Variants in PPP1R12B observed in about 807,000 individuals in gnomAD.
The protein encoded by PPP1R12B is protein phosphatase 1 regulatory subunit 12B.
Under a neutral mutation model 126.1 loss-of-function variants are expected in PPP1R12B, and 76 were observed. The ratio of observed to expected loss-of-function variants is 0.60; its 90% CI spans 0.50 to 0.73. The LOEUF is 0.73. Among genes scored for constraint, PPP1R12B ranks in the 30% least tolerant of loss-of-function variants. The pLI, the probability that PPP1R12B is intolerant of heterozygous loss-of-function variation, is 0.00. For synonymous variants in PPP1R12B, 356 were observed against 434.7 expected, an observed-to-expected ratio of 0.82 and a Z score of 2.25; for missense variants, 1,052 against 1,205.1, an observed-to-expected ratio of 0.87 and a Z score of 1.88.
At chr1:202,377,931 C>T (rs1661512644) in intron 1 of PPP1R12B, among the ~76,000 whole-genome samples, 2 of 150,440 alleles carry the variant, frequency 1.3e-5, no homozygotes, top group East Asian at 2.0e-4. Flanking sequence ...GCTCCGCCCC[C>T]GGGTTCACGC....
chr1:202,366,590 T>A (rs1205163848), intron 1 of PPP1R12B, among the ~76,000 whole-genome samples: 1 of 149,520 alleles, frequency 6.7e-6, no homozygotes, highest in East Asian at 2.0e-4. Flanking sequence ...ACATTAAAAA[T>A]CAGACATTGA....
At chr1:202,469,545 A>G (rs959600200) in intron 13 of PPP1R12B, among the ~76,000 whole-genome samples, 1 of 152,136 alleles carries the variant, frequency 6.6e-6, no homozygotes, top group Non-Finnish European at 1.5e-5. Flanking sequence ...TGAGTTTTGG[A>G]GGGTGACAGA....
intron 13 of PPP1R12B, among the ~76,000 whole-genome samples, chr1:202,463,446 A>G (rs1053611645): frequency 1.3e-5 from 2 of 152,312 alleles, no homozygotes; most frequent in African/African-American, 4.8e-5. Context: ...ATTATTCTTT[A>G]TATCTTTTTT....
chr1:202,489,133 T>G (rs753127707), intron 14 of PPP1R12B, among the ~76,000 whole-genome samples: 2 of 152,214 alleles, frequency 1.3e-5, no homozygotes, highest in Non-Finnish European at 2.9e-5. Context: ...TTATACTACA[T>G]AGAACCAAAT....
intron 1 of PPP1R12B, among the ~76,000 whole-genome samples, chr1:202,364,977 G>T (rs542822747): frequency 1.3e-5 from 2 of 152,300 alleles, no homozygotes; most frequent in African/African-American, 4.8e-5. Flanking sequence ...CTCCCAAAGT[G>T]CTGGGATTGC....
chr1:202,389,710 C>T (rs916646056), intron 1 of PPP1R12B, among the ~76,000 whole-genome samples: 5 of 151,956 alleles, frequency 3.3e-5, no homozygotes, highest in African/African-American at 9.7e-5. Flanking sequence ...CGGGAAATCA[C>T]GAGGTCAGGA....
At chr1:202,408,438 C>T (rs1230893768) in intron 1 of PPP1R12B, among the ~76,000 whole-genome samples, 1 of 152,114 alleles carries the variant, frequency 6.6e-6, no homozygotes, top group Non-Finnish European at 1.5e-5. Context: ...TTTCATCTGT[C>T]AAAGAAGGGA....
intron 10 of PPP1R12B, chr1:202,438,455 C>T (rs939162963): frequency 5.1e-5 from 22 of 428,986 alleles, no homozygotes; most frequent in South Asian, 1.6e-4. Context: ...AGGGTCCCAC[C>T]GCTTGAGGAC....
intron 1 of PPP1R12B, among the ~76,000 whole-genome samples, chr1:202,396,834 T>C (rs1180158051): frequency 6.6e-6 from 1 of 152,108 alleles, no homozygotes; most frequent in Non-Finnish European, 1.5e-5. Flanking sequence ...GCTCAATTTT[T>C]ATCTCTAAAC....
intron 21 of PPP1R12B, among the ~76,000 whole-genome samples, chr1:202,567,127 A>C (rs1688123520): frequency 6.6e-6 from 1 of 152,232 alleles, no homozygotes; most frequent in Middle Eastern, 3.2e-3. Flanking sequence ...TTATTCAAAT[A>C]AAATTACCTT....
At chr1:202,478,157 A>G (rs1019444538) in intron 13 of PPP1R12B, among the ~76,000 whole-genome samples, 5 of 152,248 alleles carry the variant, frequency 3.3e-5, no homozygotes, top group African/African-American at 1.2e-4. Flanking sequence ...AGGGGTCAGC[A>G]ATATTTTTCT....
At chr1:202,541,680 C>T (rs978250015) in intron 18 of PPP1R12B, among the ~76,000 whole-genome samples, 1 of 152,200 alleles carries the variant, frequency 6.6e-6, no homozygotes. Context: ...CCATAGCTCC[C>T]AGAGCAATGT....
In PPP1R12B at chr1:202,463,923, C is replaced by T. The variant is rs1321893539; in HGVS notation, c.1850+14752C>T. Among the ~76,000 whole-genome samples the T allele has an allele frequency of 7.2e-5, 11 of 152,140 alleles. No individual in the cohort carries two copies. In the East Asian group the frequency reaches 1.2e-3, roughly 16 times the overall value. ...TCTCAACTCTTCTTCCTGGTAATTG[C>T]GTCACTTTACTCAGGTAGAAAGATT... On this transcript the variant is annotated intron_variant, in intron 13 of 23. Transcript: ENST00000608999.
intron 1 of PPP1R12B, among the ~76,000 whole-genome samples, chr1:202,402,337 C>G (rs1341121234): frequency 6.6e-6 from 1 of 152,150 alleles, no homozygotes; most frequent in Non-Finnish European, 1.5e-5. Flanking sequence ...GAATCTAACT[C>G]TTCTATTTGT....
intron 18 of PPP1R12B, among the ~76,000 whole-genome samples, chr1:202,531,410 G>A (rs1398913353): frequency 2.6e-5 from 4 of 152,050 alleles, no homozygotes; most frequent in African/African-American, 7.2e-5. Flanking sequence ...GATCTTTTTA[G>A]TGATACAAAT....
At chr1:202,536,742 T>C (rs534956075) in intron 18 of PPP1R12B, among the ~76,000 whole-genome samples, 149 of 152,308 alleles carry the variant, frequency 9.8e-4, no homozygotes, top group Non-Finnish European at 1.9e-3. Context: ...AAATATTTCT[T>C]TATATTCTTA....
At chr1:202,551,715 T>C (rs6699062) in intron 18 of PPP1R12B, among the ~76,000 whole-genome samples, 39 of 152,276 alleles carry the variant, frequency 2.6e-4, no homozygotes, top group African/African-American at 9.1e-4. Flanking sequence ...CACATGAGCC[T>C]GTGAAGGCAG....
At position 202,386,691 on chromosome 1, in the gene PPP1R12B, G is replaced by A. The variant is rs142145039; in HGVS notation, c.292-30096G>A. On this transcript the variant is annotated intron_variant, in intron 1 of 23. Coordinates refer to ENST00000608999, the MANE Select transcript of PPP1R12B (RefSeq NM_002481.4). ...GGCAAATTTAAGGCACTAAATAATAGTGAAAGAGCTGAAGTACTATTGTAT... is the reference window on the plus strand; with the variant it reads ...GGCAAATTTAAGGCACTAAATAATAATGAAAGAGCTGAAGTACTATTGTAT... Among the ~76,000 whole-genome samples, 586 of 152,212 alleles carry A rather than the reference G, an allele frequency of 3.8e-3. 4 individuals are homozygous for A. The highest frequency in any genetic ancestry group is 0.014 in the African/African-American group (571 of 41,550).
intron 9 of PPP1R12B, among the ~76,000 whole-genome samples, chr1:202,435,293 G>A (rs1186986931): frequency 6.6e-6 from 1 of 151,962 alleles, no homozygotes; most frequent in Non-Finnish European, 1.5e-5. Flanking sequence ...AAACAAATTT[G>A]GCTACCATGT....
Sources: allele counts gnomAD v4.1 joint callset (sites outside exome capture counted in the v4.1 genomes callset), GRCh38; gene constraint gnomAD v4.1.1; transcripts MANE v1.5; gene names NCBI Gene and HGNC (gene_info 2026-07-23, HGNC 2026-07-21).